SMYD3: variants seen among roughly 807,000 people sequenced by gnomAD.
The protein encoded by SMYD3 is histone-lysine N-methyltransferase SMYD3.
In SMYD3, 36 loss-of-function variants were observed where a neutral mutation model predicts 57.7. The observed-to-expected ratio is 0.62, with a 90% confidence interval of 0.48 to 0.82. SMYD3 has a LOEUF of 0.82. Ranked by LOEUF, SMYD3 falls within the 40% of genes least tolerant of loss-of-function variation. SMYD3 has a pLI of 0.00. For missense variants in SMYD3, 515 were observed against 538.8 expected (o/e 0.96, Z 0.44); for synonymous variants, 211 against 195.0 (o/e 1.08, Z -0.68).
chr1:245,997,046 T>C (rs973164043), intron 5 of SMYD3, among the ~76,000 whole-genome samples: 1 of 152,244 alleles, frequency 6.6e-6, no homozygotes, highest in East Asian at 1.9e-4. Context: ...GCTGCGTTTT[T>C]CCGCAGGTGC....
chr1:246,427,910 A>G (rs989554669), intron 1 of SMYD3, among the ~76,000 whole-genome samples: 2 of 152,260 alleles, frequency 1.3e-5, no homozygotes, highest in Admixed American at 6.5e-5. Flanking sequence ...TATGCTTAAA[A>G]GGTTAAAAGA....
chr1:245,934,824 TGGAGGGTCTCAAGTTTTACCAG>T (rs1224194654), intron 5 of SMYD3, among the ~76,000 whole-genome samples: 1 of 152,192 alleles, frequency 6.6e-6, no homozygotes, highest in East Asian at 1.9e-4. Context: ...AGGAAGTTGC[TGGAGGGTCTCAAGTTTTACCAG>T]GGAGCATGCT....
At chr1:245,826,697 TCA>T (rs2049516641) in intron 10 of SMYD3, among the ~76,000 whole-genome samples, 1 of 152,180 alleles carries the variant, frequency 6.6e-6, no homozygotes, top group Non-Finnish European at 1.5e-5. Flanking sequence ...TTTAATTGAC[TCA>T]CAGTTCCGCA....
chr1:246,074,883 A>G (rs1292313998), intron 5 of SMYD3, among the ~76,000 whole-genome samples: 1 of 151,662 alleles, frequency 6.6e-6, no homozygotes, highest in Non-Finnish European at 1.5e-5. Flanking sequence ...TGGAGCACAC[A>G]TCTGCCAATA....
chr1:246,002,382 C>T (rs2059077746), intron 5 of SMYD3, among the ~76,000 whole-genome samples: 1 of 59,068 alleles, frequency 1.7e-5, no homozygotes, highest in Non-Finnish European at 4.1e-5. Flanking sequence ...GACGGGGTTT[C>T]ACCGTGTTAG....
In SMYD3 at chr1:246,493,471, C is replaced by T. The variant is rs532610335; in HGVS notation, c.164+13583G>A. ...CAGATTAACTTACTTACCCTACTTA[C>T]CCAGGCAGTAAAAACTAGGCCAAAA... On this transcript the variant is annotated intron_variant, in intron 1 of 11. Transcript: ENST00000490107. Among the ~76,000 whole-genome samples the T allele has an allele frequency of 3.9e-5, 6 of 152,288 alleles. No individual in the cohort carries two copies. In the South Asian group the frequency reaches 1.0e-3, roughly 26 times the overall value.
Position 246,070,179 on chromosome 1 carries a change from C to T in SMYD3, c.532-140242G>A, listed in dbSNP as rs140105667. On this transcript the variant is annotated intron_variant, in intron 5 of 11. Transcript: ENST00000490107. ...TGGGAACTGGCAATTTCTAAACCTA[C>T]GGCAACAGCAGTCTCTGGTCCTTCT... Among the ~76,000 whole-genome samples, 22 of 152,242 alleles carry T rather than the reference C, an allele frequency of 1.4e-4. No individual in the cohort carries two copies. In the East Asian group the frequency reaches 1.9e-3, roughly 13 times the overall value.
chr1:246,079,443 A>C (rs1051037152), intron 5 of SMYD3, among the ~76,000 whole-genome samples: 1 of 152,174 alleles, frequency 6.6e-6, no homozygotes, highest in African/African-American at 2.4e-5. Context: ...AAATATGATA[A>C]ATTTAAAGTC....
At chr1:245,935,473 T>G (rs987319062) in intron 5 of SMYD3, among the ~76,000 whole-genome samples, 1 of 152,186 alleles carries the variant, frequency 6.6e-6, no homozygotes, top group African/African-American at 2.4e-5. Flanking sequence ...CCAGCCATTA[T>G]GAAAAACTGT....
At chr1:245,846,486 G>T (rs971806987) in intron 10 of SMYD3, among the ~76,000 whole-genome samples, 1 of 152,182 alleles carries the variant, frequency 6.6e-6, no homozygotes, top group Non-Finnish European at 1.5e-5. Flanking sequence ...CTGGGTTCAG[G>T]CTGACTCAAA....
At chr1:246,255,836 T>C (rs950931586) in intron 5 of SMYD3, among the ~76,000 whole-genome samples, 2 of 151,620 alleles carry the variant, frequency 1.3e-5, no homozygotes, top group African/African-American at 4.8e-5. Flanking sequence ...AACTCAATAC[T>C]GTTCTCTTCA....
intron 5 of SMYD3, among the ~76,000 whole-genome samples, chr1:246,244,428 T>A (rs12057327): frequency 0.03 from 4,569 of 152,282 alleles, 306 homozygotes; most frequent in East Asian, 0.24. Flanking sequence ...CCTATTCACT[T>A]TGGATAATAC....
chr1:246,137,349 T>C (rs1402864884), intron 5 of SMYD3, among the ~76,000 whole-genome samples: 2 of 152,156 alleles, frequency 1.3e-5, no homozygotes, highest in Non-Finnish European at 2.9e-5. Flanking sequence ...CCAAAGTGCA[T>C]ACAAGGACAA....
intron 1 of SMYD3, among the ~76,000 whole-genome samples, chr1:246,461,031 A>G (rs763329389): frequency 2.0e-5 from 3 of 152,248 alleles, no homozygotes; most frequent in Non-Finnish European, 2.9e-5. Context: ...GGCAGAAGAC[A>G]GCTGTGCTCA....
chr1:245,810,193 A>G (rs1309750140), intron 10 of SMYD3, among the ~76,000 whole-genome samples: 1 of 152,184 alleles, frequency 6.6e-6, no homozygotes, highest in Non-Finnish European at 1.5e-5. Flanking sequence ...CTTTGGAACA[A>G]ACATCACCTC....
intron 10 of SMYD3, among the ~76,000 whole-genome samples, chr1:245,847,338 G>A (rs2050717257): frequency 6.6e-6 from 1 of 152,148 alleles, no homozygotes; most frequent in African/African-American, 2.4e-5. Context: ...TTTTATGTTT[G>A]CATTGTAACT....
intron 10 of SMYD3, among the ~76,000 whole-genome samples, chr1:245,795,175 T>C (rs1396710126): frequency 6.6e-6 from 1 of 152,192 alleles, no homozygotes; most frequent in Non-Finnish European, 1.5e-5. Context: ...TCCCCAGTGA[T>C]AGGGACATTG....
Position 245,953,748 on chromosome 1 carries a change from G to C in SMYD3, c.532-23811C>G, listed in dbSNP as rs185772874. ...AGGGTTCAGTTTTTAAAAATAAACA[G>C]CAGCAACAACAAAAACCCCACATGT... On this transcript the variant is annotated intron_variant, in intron 5 of 11. Transcript: ENST00000490107. 3.4e-3 allele frequency among the ~76,000 whole-genome samples: 514 copies of C among 152,234 alleles called. 2 individuals carry two copies. Among genetic ancestry groups the C allele is most frequent in the African/African-American group, 0.011 (474 of 41,540 alleles).
At chr1:246,397,272 G>A (rs1005534032) in intron 1 of SMYD3, among the ~76,000 whole-genome samples, 3 of 152,142 alleles carry the variant, frequency 2.0e-5, no homozygotes, top group African/African-American at 4.8e-5. Context: ...CTCCTTATGA[G>A]AATCTAATAA....
Sources: gnomAD v4.1 joint callset for allele counts (sites outside exome capture counted in the v4.1 genomes callset) on GRCh38, gnomAD v4.1.1 for gene constraint, MANE v1.5 for transcripts, NCBI Gene and HGNC (gene_info 2026-07-23, HGNC 2026-07-21) for gene names.